The following SHROOM3 variants were observed in gnomAD, a reference collection of about 807,000 sequenced individuals.
SHROOM3 encodes the protein protein Shroom3.
Under a neutral mutation model 138.6 loss-of-function variants are expected in SHROOM3, and 47 were observed. The observed-to-expected ratio is 0.34, with a 90% CI of 0.27 to 0.43. SHROOM3 has a LOEUF of 0.43. SHROOM3 is among the 20% of genes least tolerant of loss of function. The probability of loss-of-function intolerance (pLI) is 1.00; values close to 1 mark genes in which losing one functional copy is unlikely to be tolerated. For missense variants in SHROOM3, 2,491 were observed against 2,596.5 expected (o/e 0.96, Z 0.88); for synonymous variants, 1,062 against 1,063.3 (o/e 1.00, Z 0.02).
In SHROOM3 at chr4:76,769,889, C is replaced by T. The variant is rs147453434; in HGVS notation, c.5350-737C>T. ...GCTACAATTAATATTCAACTCAGCT[C>T]TAAGACCTTGGGCCAATCCCTTAAT... On this transcript the variant is annotated intron_variant, in intron 9 of 10. Coordinates refer to ENST00000296043, the MANE Select transcript of SHROOM3 (RefSeq NM_020859.4). 1.2e-4 allele frequency among the ~76,000 whole-genome samples: 19 copies of T among 152,332 alleles called. 1 individual carries two copies. The East Asian group carries it at 3.7e-3, about 29-fold the overall frequency.
At chr4:76,559,237 G>T (rs1733549920) in intron 2 of SHROOM3, 1 of 152,134 alleles carries the variant, frequency 6.6e-6, no homozygotes, top group Non-Finnish European at 1.5e-5. Context: ...TATAGATGGG[G>T]ATTATCAACA....
chr4:76,726,971 G>A (rs1360005293), intron 3 of SHROOM3, among the ~76,000 whole-genome samples: 1 of 152,144 alleles, frequency 6.6e-6, no homozygotes, highest in Non-Finnish European at 1.5e-5. Context: ...CTGAAGAGCC[G>A]TCCTTAGTGT....
At chr4:76,691,842 C>T (rs1223876244) in intron 2 of SHROOM3, among the ~76,000 whole-genome samples, 2 of 152,212 alleles carry the variant, frequency 1.3e-5, no homozygotes, top group African/African-American at 4.8e-5. Flanking sequence ...AGAACCCATA[C>T]AGACCTTTGA....
intron 1 of SHROOM3, among the ~76,000 whole-genome samples, chr4:76,473,893 G>A (rs1257435627): frequency 6.6e-6 from 1 of 152,114 alleles, no homozygotes; most frequent in African/African-American, 2.4e-5. Flanking sequence ...TAGTTGCTTT[G>A]GAAAACGACT....
At chr4:76,775,607 CA>C (rs1722526814) in intron 10 of SHROOM3, among the ~76,000 whole-genome samples, 1 of 151,508 alleles carries the variant, frequency 6.6e-6, no homozygotes, top group Non-Finnish European at 1.5e-5. Context: ...ATATTTATAG[CA>C]GTACAATTTG....
chr4:76,496,062 G>A lies in SHROOM3; in HGVS notation c.169-59547G>A, dbSNP rs530294473. ...GTGATGACCAAAATACAGGTAACAA[G>A]TGTCAAGATTAGGAGGCTAGGCTAG... On this transcript the variant is annotated intron_variant, in intron 1 of 10. Transcript: ENST00000296043. 3.3e-3 allele frequency among the ~76,000 whole-genome samples: 500 copies of A among 152,346 alleles called. 3 individuals are homozygous for A. The highest frequency in any genetic ancestry group is 0.011 in the African/African-American group (469 of 41,578).
At chr4:76,452,845 G>A (rs746288849) in intron 1 of SHROOM3, among the ~76,000 whole-genome samples, 4 of 152,122 alleles carry the variant, frequency 2.6e-5, no homozygotes, top group Non-Finnish European at 4.4e-5. Flanking sequence ...AGCCTCCCAA[G>A]TAACTGGGAT....
intron 10 of SHROOM3, among the ~76,000 whole-genome samples, chr4:76,773,220 C>G (rs932991296): frequency 2.6e-5 from 4 of 151,812 alleles, no homozygotes; most frequent in Admixed American, 2.0e-4. Flanking sequence ...GCTAAAAATA[C>G]AAAAATTAAC....
chr4:76,667,992 A>AAAAAAG (rs1718758219), intron 2 of SHROOM3, among the ~76,000 whole-genome samples: 8 of 143,756 alleles, frequency 5.6e-5, no homozygotes, highest in East Asian at 2.1e-4. Flanking sequence ...AAAAAAAAAA[A>AAAAAAG]GTTGTTCTGC....
At chr4:76,691,384 C>T (rs976568455) in intron 2 of SHROOM3, among the ~76,000 whole-genome samples, 3 of 152,112 alleles carry the variant, frequency 2.0e-5, no homozygotes, top group Admixed American at 6.5e-5. Flanking sequence ...CAATTTTGAC[C>T]TGGGACCAGG....
At chr4:76,767,907 C>A (rs867247418) in intron 9 of SHROOM3, among the ~76,000 whole-genome samples, 1 of 152,128 alleles carries the variant, frequency 6.6e-6, no homozygotes, top group African/African-American at 2.4e-5. Context: ...ATTTTCTAGA[C>A]ATTCTAGAAA....
chr4:76,566,095 C>G (rs1316038712), intron 2 of SHROOM3, among the ~76,000 whole-genome samples: 1 of 90,576 alleles, frequency 1.1e-5, no homozygotes, highest in Non-Finnish European at 2.1e-5. Context: ...GGCGACAGAG[C>G]AAAACCCTGT....
At chr4:76,613,566 T>C (rs1734808313) in intron 2 of SHROOM3, among the ~76,000 whole-genome samples, 1 of 152,218 alleles carries the variant, frequency 6.6e-6, no homozygotes, top group Admixed American at 6.5e-5. Flanking sequence ...GGGAACATAC[T>C]ACAGATGTGC....
chr4:76,578,383 G>A (rs757541466), intron 2 of SHROOM3, among the ~76,000 whole-genome samples: 3 of 152,182 alleles, frequency 2.0e-5, no homozygotes, highest in Non-Finnish European at 4.4e-5. Context: ...CAAGTACTTG[G>A]CATATGGTAA....
chr4:76,538,140 C>G (rs536608928), intron 1 of SHROOM3, among the ~76,000 whole-genome samples: 2 of 152,328 alleles, frequency 1.3e-5, no homozygotes, highest in South Asian at 4.1e-4. Flanking sequence ...CTCAGGTGAT[C>G]TGCCCGCCTG....
chr4:76,494,331 A>T (rs1731921089), intron 1 of SHROOM3, among the ~76,000 whole-genome samples: 1 of 152,198 alleles, frequency 6.6e-6, no homozygotes, highest in South Asian at 2.1e-4. Flanking sequence ...AAGTAAAAGA[A>T]TTGCACTAGG....
intron 2 of SHROOM3, among the ~76,000 whole-genome samples, chr4:76,690,334 TTTCTCTTCCTCTAGGATG>T (rs1719487728): frequency 6.6e-6 from 1 of 152,200 alleles, no homozygotes; most frequent in Non-Finnish European, 1.5e-5. Context: ...GTGGGATGTA[TTTCTCTTCCTCTAGGATG>T]TATTTTGGCA....
chr4:76,588,255 C>T (rs1734191181), intron 2 of SHROOM3, among the ~76,000 whole-genome samples: 1 of 152,208 alleles, frequency 6.6e-6, no homozygotes, highest in African/African-American at 2.4e-5. Context: ...TCATTAATAA[C>T]TATGATAAAT....
At chr4:76,489,301 A>G (rs1368476894) in intron 1 of SHROOM3, among the ~76,000 whole-genome samples, 1 of 152,202 alleles carries the variant, frequency 6.6e-6, no homozygotes, top group Admixed American at 6.5e-5. Context: ...TGGCTGGTTC[A>G]TAGAAACTGA....
Sources: gnomAD v4.1 joint callset for allele counts (sites outside exome capture counted in the v4.1 genomes callset) on GRCh38, gnomAD v4.1.1 for gene constraint, MANE v1.5 for transcripts, NCBI Gene and HGNC (gene_info 2026-07-23, HGNC 2026-07-21) for gene names.